DAB1: variants seen among roughly 807,000 people sequenced by gnomAD.
DAB1 encodes the protein DAB adaptor protein 1, also known as disabled homolog 1.
Under a neutral mutation model 64.6 loss-of-function variants are expected in DAB1, and 15 were observed. That is an observed-to-expected ratio of 0.23 (90% CI 0.16 to 0.36). The LOEUF (loss-of-function observed/expected upper bound fraction) is 0.36. Ranked by LOEUF, DAB1 falls within the 10% of genes least tolerant of loss-of-function variation. The pLI is 1.00. For synonymous variants in DAB1, 235 were observed against 251.9 expected, an observed-to-expected ratio of 0.93 and a Z score of 0.64; for missense variants, 596 against 706.7, an observed-to-expected ratio of 0.84 and a Z score of 1.78.
chr1:57,590,709 G>C lies in DAB1; in HGVS notation n.625+58883C>G, dbSNP rs141784533. On this transcript the variant is annotated intron_variant and non_coding_transcript_variant, in intron 7 of 20. Coordinates refer to the DAB1 transcript ENST00000485760. ...AGGGCTTTACCATAGGAATTTGAGG[G>C]TGGGAAGGAACACATTGTAGTCCGT... Among the ~76,000 whole-genome samples the C allele has an allele frequency of 7.0e-3, 1,048 of 149,410 alleles. 11 individuals carry two copies. The highest frequency in any genetic ancestry group is 0.025 in the African/African-American group (1,006 of 40,578).
chr1:58,026,609 A>G (rs1646899053), intron 5 of DAB1, among the ~76,000 whole-genome samples: 1 of 152,216 alleles, frequency 6.6e-6, no homozygotes, highest in Non-Finnish European at 1.5e-5. Flanking sequence ...CTCCTGATTT[A>G]TGGGTGCAAA....
chr1:58,307,761 C>T (rs1194606511), intron 4 of DAB1, among the ~76,000 whole-genome samples: 1 of 150,654 alleles, frequency 6.6e-6, no homozygotes, highest in East Asian at 2.0e-4. Context: ...GAAGTGAGTG[C>T]TGTGGGGAGT....
chr1:57,668,814 C>A (rs1398961274), intron 6 of DAB1, among the ~76,000 whole-genome samples: 1 of 152,046 alleles, frequency 6.6e-6, no homozygotes, highest in Non-Finnish European at 1.5e-5. Flanking sequence ...GTCTGAAGAT[C>A]CGATCCCTGA....
At chr1:58,438,354 G>T (rs1343103553) in intron 3 of DAB1, among the ~76,000 whole-genome samples, 1 of 152,212 alleles carries the variant, frequency 6.6e-6, no homozygotes, top group African/African-American at 2.4e-5. Context: ...GGGTCAGACT[G>T]CTTCTCTGGG....
At chr1:58,327,964 T>G (rs773442633) in intron 4 of DAB1, among the ~76,000 whole-genome samples, 5 of 152,184 alleles carry the variant, frequency 3.3e-5, no homozygotes, top group Non-Finnish European at 5.9e-5. Context: ...TTAGGGTCCC[T>G]CCACCTGAGG....
At chr1:58,243,711 A>G (rs1660403729) in intron 4 of DAB1, among the ~76,000 whole-genome samples, 1 of 152,174 alleles carries the variant, frequency 6.6e-6, no homozygotes, top group East Asian at 1.9e-4. Flanking sequence ...TTCACTCTCA[A>G]AGTGAGAGTT....
chr1:57,443,032 C>G (rs906382979), intron 7 of DAB1, among the ~76,000 whole-genome samples: 13 of 152,186 alleles, frequency 8.5e-5, no homozygotes, highest in African/African-American at 3.1e-4. Flanking sequence ...GAACAAAGAG[C>G]CTGAAATCTT....
At chr1:58,223,097 C>A (rs969823990) in intron 4 of DAB1, among the ~76,000 whole-genome samples, 1 of 152,304 alleles carries the variant, frequency 6.6e-6, no homozygotes, top group South Asian at 2.1e-4. Flanking sequence ...CAAAGGTAGG[C>A]CATGTCTTAA....
chr1:58,056,478 C>G lies in DAB1; in HGVS notation n.387+94033G>C, dbSNP rs753362640. On this transcript the variant is annotated intron_variant and non_coding_transcript_variant, in intron 5 of 20. Transcript: ENST00000485760. ...GACCATTGTTCCTTCTTTTCTTTGT[C>G]ATCTTGGAGGCACGGACCAGAGAGA... 9 of 1,411,248 alleles carry G rather than the reference C, an allele frequency of 6.4e-6. No homozygotes were observed. In the African/African-American group the frequency reaches 1.3e-4, roughly 20 times the overall value. 87.4% of individuals were successfully genotyped at this position (1,411,248 alleles called of 1,614,324 possible).
intron 5 of DAB1, among the ~76,000 whole-genome samples, chr1:58,058,595 T>C (rs1648292459): frequency 1.3e-5 from 2 of 152,192 alleles, no homozygotes; most frequent in South Asian, 2.1e-4. Context: ...TCATCACTCA[T>C]AGCAATGCTA....
intron 9 of DAB1, chr1:57,033,397 C>CA (rs1356487544): frequency 3.1e-6 from 5 of 1,612,872 alleles, no homozygotes; most frequent in Non-Finnish European, 2.5e-6. Context: ...TTCGTTGCCT[C>CA]AAAAATCTCA....
chr1:57,962,047 T>C (rs1450546135), intron 5 of DAB1, among the ~76,000 whole-genome samples: 1 of 151,966 alleles, frequency 6.6e-6, no homozygotes, highest in African/African-American at 2.4e-5. Flanking sequence ...AGTGGCGATC[T>C]AAAGTCTGGT....
chr1:57,365,564 C>T (rs548371337), intron 1 of DAB1, among the ~76,000 whole-genome samples: 171 of 151,802 alleles, frequency 1.1e-3, no homozygotes, highest in African/African-American at 4.1e-3. Flanking sequence ...CAACATTAAA[C>T]CCCATAACAG....
At chr1:57,254,593 T>G (rs1570067024) in intron 2 of DAB1, among the ~76,000 whole-genome samples, 2 of 152,076 alleles carry the variant, frequency 1.3e-5, no homozygotes, top group African/African-American at 4.8e-5. Flanking sequence ...TAAATCACTG[T>G]TTTACACAAA....
intron 1 of DAB1, among the ~76,000 whole-genome samples, chr1:57,832,598 CCA>C (rs1433189443): frequency 2.6e-5 from 4 of 152,166 alleles, no homozygotes; most frequent in African/African-American, 9.7e-5. Context: ...TCAACCAGCC[CCA>C]GTTTTCCATG....
rs2101417415 is a variant in DAB1 at position 57,531,611 on chromosome 1, G to T, written n.625+117981C>A. On this transcript the variant is annotated intron_variant and non_coding_transcript_variant, in intron 7 of 20. Transcript: ENST00000485760. ...TGTAGACCAGTAAGGGAGCTGAAGT[G>T]GCATGGTATGAACAAATTGAAGAAG... 1.3e-5 allele frequency among the ~76,000 whole-genome samples: 2 copies of T among 152,144 alleles called. 1 individual carries two copies. Among genetic ancestry groups the T allele is most frequent in the South Asian group, 4.2e-4 (2 of 4,798 alleles).
At chr1:57,989,837 C>T (rs1488557030) in intron 5 of DAB1, among the ~76,000 whole-genome samples, 2 of 152,122 alleles carry the variant, frequency 1.3e-5, no homozygotes, top group East Asian at 1.9e-4. Flanking sequence ...GAACATGACC[C>T]CAGCTCATTT....
At chr1:57,364,855 GTA>G (rs1002902091) in intron 1 of DAB1, among the ~76,000 whole-genome samples, 14 of 144,262 alleles carry the variant, frequency 9.7e-5, no homozygotes, top group Admixed American at 1.4e-4. Context: ...ATATATATAT[GTA>G]TATATATATA....
chr1:57,713,978 AC>A (rs1647055061), intron 6 of DAB1, among the ~76,000 whole-genome samples: 1 of 152,142 alleles, frequency 6.6e-6, no homozygotes, highest in South Asian at 2.1e-4. Context: ...GTTCCTAAGC[AC>A]CTGTTATATG....
Sources: gnomAD v4.1 joint callset for allele counts (sites outside exome capture counted in the v4.1 genomes callset) on GRCh38, gnomAD v4.1.1 for gene constraint, MANE v1.5 for transcripts, NCBI Gene and HGNC (gene_info 2026-07-23, HGNC 2026-07-21) for gene names.